KIF5B: variants seen among roughly 807,000 people sequenced by gnomAD.
KIF5B encodes the protein kinesin family member 5B.
In KIF5B, 49 loss-of-function variants were observed where a neutral mutation model predicts 132.8. The ratio of observed to expected loss-of-function variants is 0.37; its 90% CI spans 0.29 to 0.47. The LOEUF is 0.47. Ranked by LOEUF, KIF5B falls within the 20% of genes least tolerant of loss-of-function variation. The pLI, the probability that KIF5B is intolerant of heterozygous loss-of-function variation, is 1.00. For missense variants in KIF5B, 780 were observed against 1,144.0 expected, an observed-to-expected ratio of 0.68 and a Z score of 4.59; for synonymous variants, 355 against 369.4, an observed-to-expected ratio of 0.96 and a Z score of 0.45.
chr10:32,037,180 C>T, intron 8 of KIF5B, 74 bp downstream of exon 8: 1 of 1,409,336 alleles, frequency 7.1e-7, no homozygotes, highest in Non-Finnish European at 9.8e-7. Context: ...AACAATGAAC[C>T]CTGCGTAACT....
chr10:32,017,409 G>T, intron 23 of KIF5B, 50 bp from the exon 24 acceptor site: 1 of 1,363,778 alleles, frequency 7.3e-7, no homozygotes, highest in South Asian at 1.2e-5. Context: ...AGGATGACTT[G>T]AAAAAGTATG....
intron 2 of KIF5B, among the ~76,000 whole-genome samples, chr10:32,046,085 A>G (rs1841605026): frequency 6.6e-6 from 1 of 152,190 alleles, no homozygotes; most frequent in South Asian, 2.1e-4. Flanking sequence ...AAATATGATT[A>G]AGAGCTAAAA....
In KIF5B at chr10:32,031,172, G is replaced by C. The variant is rs754755861; in HGVS notation, c.1482C>G (p.Ala494=). Residue 494 remains alanine, a synonymous_variant, in exon 14 of 26, where the codon GCC becomes GCG. Coordinates refer to ENST00000302418, the MANE Select transcript of KIF5B (RefSeq NM_004521.3). ...SKEEVKEVLQ[A]LEELAVNYDQ... is the part of the protein sequence containing the mutation. ...CATAATTGACAGCAAGTTCTTCTAG[G>C]GCCTGTAAAACTTCTTTCACTTCTT... 1.2e-6 allele frequency: 2 copies of C among 1,613,514 alleles called. No individual in the cohort carries two copies. Among genetic ancestry groups the C allele is most frequent in the African/African-American group, 2.7e-5 (2 of 74,816 alleles).
intron 15 of KIF5B, 65 bp downstream of exon 15, chr10:32,028,363 T>C: frequency 7.9e-7 from 1 of 1,272,680 alleles, no homozygotes; most frequent in African/African-American, 1.5e-5. Context: ...TACAAACTAT[T>C]AGTAGTAAAC....
At chr10:32,053,360 A>G (rs915412854) in intron 1 of KIF5B, among the ~76,000 whole-genome samples, 1 of 151,148 alleles carries the variant, frequency 6.6e-6, no homozygotes. Flanking sequence ...GAACCAAAAC[A>G]TGTTGCCTTT....
intron 13 of KIF5B, among the ~76,000 whole-genome samples, chr10:32,031,866 G>A (rs1347206962): frequency 6.7e-6 from 1 of 148,954 alleles, no homozygotes; most frequent in Non-Finnish European, 1.5e-5. Flanking sequence ...AGGCGTGGTG[G>A]CGGGCGCCTG....
intron 8 of KIF5B, among the ~76,000 whole-genome samples, chr10:32,036,893 A>G (rs1841467556): frequency 6.6e-6 from 1 of 152,188 alleles, no homozygotes; most frequent in Admixed American, 6.5e-5. Flanking sequence ...AGACTAATCG[A>G]GAGTTACCAG....
intron 23 of KIF5B, 43 bp downstream of exon 23, chr10:32,018,009 T>A: frequency 8.8e-7 from 1 of 1,138,962 alleles, no homozygotes; most frequent in Non-Finnish European, 1.3e-6. Context: ...CAATTTTTGA[T>A]TTTTACTATC....
chr10:32,011,398 A>G lies in KIF5B; in HGVS notation c.*139T>C, dbSNP rs951998606. 1 of 152,612 alleles carries G rather than the reference A, an allele frequency of 6.6e-6. No individual in the cohort carries two copies. Among genetic ancestry groups the G allele is most frequent in the Non-Finnish European group, 1.5e-5 (1 of 68,010 alleles). The allele number at this position is 152,612 out of a possible 1,614,324, so 9.5% of individuals were successfully genotyped here. On this transcript the variant is annotated 3_prime_UTR_variant, in exon 26 of 26. Transcript: ENST00000302418. ...TAGGAAACAGCTGTACAGGCCAGGT[A>G]TAATTTATACATTTTTTTTAAAAGT...
At chr10:32,028,627 CAAA>C (rs1417625775) in intron 14 of KIF5B, 56 bp from the exon 15 acceptor site, 2 of 1,443,478 alleles carry the variant, frequency 1.4e-6, no homozygotes, top group African/African-American at 2.8e-5. Context: ...AAATTCAAAT[CAAA>C]TACTCATCGG....
At chr10:32,038,273 TATGAAATA>T (rs1446200203) in intron 5 of KIF5B, 55 bp from the exon 6 acceptor site, 28 of 1,219,058 alleles carry the variant, frequency 2.3e-5, no homozygotes, top group Non-Finnish European at 3.1e-5. Flanking sequence ...TAACACTGGA[TATGAAATA>T]ACTGATAGGC....
Position 32,055,916 on chromosome 10 carries a change from C to A in KIF5B, c.58G>T (p.Glu20Ter). The change falls in exon 1 of 26, where the codon GAG becomes TAG. Residue 20 changes from glutamate to a stop codon, truncating the protein, a stop_gained. Coordinates refer to ENST00000302418, the MANE Select transcript of KIF5B (RefSeq NM_004521.3). LOFTEE classifies it high-confidence loss of function. ...KVMCRFRPLN[E>*]SEVNRGDKYI... ...TTGTCGCCGCGGTTCACTTCAGACTCGTTGAGAGGTCTGAAGCGACACATC... is the reference window on the plus strand; with the variant it reads ...TTGTCGCCGCGGTTCACTTCAGACTAGTTGAGAGGTCTGAAGCGACACATC... The A allele has an allele frequency of 6.2e-7, 1 of 1,612,532 alleles. No individual in the cohort carries two copies. Among genetic ancestry groups the A allele is most frequent in the Non-Finnish European group, 8.5e-7 (1 of 1,179,888 alleles).
intron 15 of KIF5B, among the ~76,000 whole-genome samples, chr10:32,024,508 A>G (rs1318805508): frequency 6.6e-6 from 1 of 151,122 alleles, no homozygotes; most frequent in Non-Finnish European, 1.5e-5. Context: ...TCACGCCTGT[A>G]ATCCCAGCAA....
At chr10:32,055,516 T>C (rs1011341517) in intron 1 of KIF5B, among the ~76,000 whole-genome samples, 1 of 115,114 alleles carries the variant, frequency 8.7e-6, no homozygotes, top group Non-Finnish European at 1.8e-5. Flanking sequence ...GTATCCGTAA[T>C]TGCACACACA....
chr10:32,032,845 T>C (rs2132599532), intron 12 of KIF5B, 71 bp from the exon 13 acceptor site: 1 of 1,052,168 alleles, frequency 9.5e-7, no homozygotes, highest in East Asian at 2.4e-5. Context: ...ATACAGGTTA[T>C]AAGATTACTA....
intron 11 of KIF5B, 27 bp from the exon 12 acceptor site, chr10:32,034,065 TA>T (rs762247510): frequency 3.6e-6 from 5 of 1,394,656 alleles, no homozygotes; most frequent in African/African-American, 1.5e-5. Context: ...AAGTGGTTAA[TA>T]AAAAAACGAC....
intron 14 of KIF5B, among the ~76,000 whole-genome samples, chr10:32,030,056 C>A (rs1841382235): frequency 6.6e-6 from 1 of 152,178 alleles, no homozygotes; most frequent in African/African-American, 2.4e-5. Flanking sequence ...GTCCTGAGTG[C>A]AACTCTAGAT....
intron 1 of KIF5B, among the ~76,000 whole-genome samples, chr10:32,053,323 T>C (rs1841716151): frequency 6.6e-6 from 1 of 151,954 alleles, no homozygotes; most frequent in African/African-American, 2.4e-5. Flanking sequence ...CGTTACTATA[T>C]GCAAGAAACT....
Position 32,011,254 on chromosome 10 carries a change from G to A in KIF5B, c.*283C>T, listed in dbSNP as rs990355286. ...ACAGTAAAGACTAAATTTAAGACAC[G>A]ATAGACAAACTGTGTAATAAATAGG... On this transcript the variant is annotated 3_prime_UTR_variant, in exon 26 of 26. Coordinates refer to ENST00000302418, the MANE Select transcript of KIF5B (RefSeq NM_004521.3). 41 of 152,566 alleles carry A rather than the reference G, an allele frequency of 2.7e-4. No homozygotes were observed. The highest frequency in any genetic ancestry group is 8.2e-4 in the African/African-American group (34 of 41,434). 9.5% of individuals were successfully genotyped at this position (152,566 alleles called of 1,614,324 possible).
Sources: gnomAD v4.1 joint callset for allele counts (sites outside exome capture counted in the v4.1 genomes callset) on GRCh38, gnomAD v4.1.1 for gene constraint, MANE v1.5 for transcripts, NCBI Gene and HGNC (gene_info 2026-07-23, HGNC 2026-07-21) for gene names.